LRMDA: variants seen among roughly 807,000 people sequenced by gnomAD.
The protein encoded by LRMDA is leucine rich melanocyte differentiation associated.
In LRMDA, 18 loss-of-function variants were observed where a neutral mutation model predicts 29.8. The observed-to-expected ratio is 0.60, with a 90% CI of 0.42 to 0.90. LRMDA has a LOEUF of 0.90. Among genes scored for constraint, LRMDA ranks in the 40% least tolerant of loss-of-function variants. The probability of loss-of-function intolerance (pLI) is 0.00; values close to 1 mark genes in which losing one functional copy is unlikely to be tolerated. For synonymous variants in LRMDA, 125 were observed against 109.4 expected (o/e 1.14, Z -0.89); for missense variants, 273 against 273.9 (o/e 1.00, Z 0.02).
chr10:76,002,490 T>G (rs1251526428), intron 2 of LRMDA, among the ~76,000 whole-genome samples: 1 of 149,492 alleles, frequency 6.7e-6, no homozygotes, highest in Non-Finnish European at 1.5e-5. Context: ...CCTCCGAACT[T>G]CAGTTCCTAC....
chr10:76,423,721 T>C (rs1276422472), intron 6 of LRMDA, among the ~76,000 whole-genome samples: 1 of 152,244 alleles, frequency 6.6e-6, no homozygotes, highest in Non-Finnish European at 1.5e-5. Context: ...TTGACTTCGA[T>C]CAAAATCTGA....
intron 2 of LRMDA, among the ~76,000 whole-genome samples, chr10:75,516,763 G>A (rs1449697087): frequency 6.6e-6 from 1 of 152,028 alleles, no homozygotes; most frequent in Non-Finnish European, 1.5e-5. Flanking sequence ...TTTTAGTCAC[G>A]AAGTCCTTGC....
chr10:75,994,753 C>T (rs2057438), intron 2 of LRMDA, among the ~76,000 whole-genome samples: 31,681 of 152,126 alleles, frequency 0.21, 3,848 homozygotes, highest in South Asian at 0.41. Flanking sequence ...ATTATCCTGA[C>T]GCATGTCAAG....
chr10:75,853,022 T>C (rs1017323623), intron 2 of LRMDA, among the ~76,000 whole-genome samples: 3 of 152,090 alleles, frequency 2.0e-5, no homozygotes, highest in African/African-American at 7.2e-5. Context: ...AAGCCCCTTA[T>C]AAAACCATCA....
chr10:76,173,505 A>G (rs1005878288), intron 5 of LRMDA, among the ~76,000 whole-genome samples: 2 of 152,224 alleles, frequency 1.3e-5, no homozygotes, highest in African/African-American at 4.8e-5. Flanking sequence ...ATCAAGAATA[A>G]AAGAGTAAAT....
chr10:75,486,652 G>A (rs965257461), intron 2 of LRMDA, among the ~76,000 whole-genome samples: 1 of 152,134 alleles, frequency 6.6e-6, no homozygotes, highest in East Asian at 1.9e-4. Context: ...GTCTGGGGGG[G>A]GCAACATGAG....
intron 4 of LRMDA, among the ~76,000 whole-genome samples, chr10:76,055,076 A>AAAAAAAAAAAAAAAAAAAAAAAAAAAAAG (rs1848589123): frequency 6.9e-6 from 1 of 144,462 alleles, no homozygotes; most frequent in Admixed American, 7.3e-5. Context: ...AAAAAAAAAA[A>AAAAAAAAAAAAAAAAAAAAAAAAAAAAAG]AAAAAAAAAA....
At chr10:75,664,368 C>T (rs1841794319) in intron 2 of LRMDA, among the ~76,000 whole-genome samples, 1 of 152,220 alleles carries the variant, frequency 6.6e-6, no homozygotes, top group South Asian at 2.1e-4. Context: ...TTCAGTTCTG[C>T]AAGAATTTAT....
intron 2 of LRMDA, among the ~76,000 whole-genome samples, chr10:75,583,990 C>A (rs1840626529): frequency 6.6e-6 from 1 of 152,156 alleles, no homozygotes; most frequent in African/African-American, 2.4e-5. Flanking sequence ...CCAGCCCCCC[C>A]ATAGGGACTG....
intron 5 of LRMDA, among the ~76,000 whole-genome samples, chr10:76,247,653 A>T (rs1852400162): frequency 6.6e-6 from 1 of 152,132 alleles, no homozygotes; most frequent in Admixed American, 6.6e-5. Context: ...CAACCCAGCA[A>T]GGTGTCTGTA....
chr10:76,187,178 C>G (rs574654019), intron 5 of LRMDA, among the ~76,000 whole-genome samples: 114 of 152,176 alleles, frequency 7.5e-4, no homozygotes, highest in African/African-American at 2.7e-3. Context: ...GGACACTATC[C>G]ACATCACAGA....
At chr10:75,979,588 G>A (rs1040765881) in intron 2 of LRMDA, among the ~76,000 whole-genome samples, 2 of 152,132 alleles carry the variant, frequency 1.3e-5, no homozygotes, top group African/African-American at 2.4e-5. Flanking sequence ...ATCCCGTGGG[G>A]ACCAGCATCA....
At chr10:76,295,006 C>T (rs1840394335) in intron 5 of LRMDA, among the ~76,000 whole-genome samples, 1 of 152,078 alleles carries the variant, frequency 6.6e-6, no homozygotes, top group Non-Finnish European at 1.5e-5. Context: ...AGGAGAGGCA[C>T]TAGGCTGTTG....
In LRMDA at chr10:75,962,591, A is replaced by G. The variant is rs117191216; in HGVS notation, c.132-73417A>G. Among the ~76,000 whole-genome samples the G allele has an allele frequency of 4.9e-4, 75 of 152,346 alleles. No individual in the cohort carries two copies. In the East Asian group the frequency reaches 0.01, roughly 20 times the overall value. The stretch of plus-strand genomic sequence containing the variant: ...CACTGCCCCATGCACATGGCCTGCC[A>G]TGAGGGATGCAAGCCTAGTAAATGA... On this transcript the variant is annotated intron_variant, in intron 2 of 6. Transcript: ENST00000611255.
chr10:75,640,982 C>T (rs1841446598), intron 2 of LRMDA, among the ~76,000 whole-genome samples: 1 of 152,064 alleles, frequency 6.6e-6, no homozygotes, highest in South Asian at 2.1e-4. Context: ...GATTGCAGGG[C>T]CCTGGTGAAG....
chr10:75,768,632 G>A lies in LRMDA; in HGVS notation c.132-267376G>A, dbSNP rs116011817. Among the ~76,000 whole-genome samples the A allele has an allele frequency of 9.8e-3, 1,495 of 152,118 alleles. 21 individuals are homozygous for A. The highest frequency in any genetic ancestry group is 0.031 in the Middle Eastern group (9 of 294). ...GGTCTTGTTCCTTTTCTCCAAATGC[G>A]GTCTTTCAGTCCCAGCTTCTGTTAT... is the stretch of plus-strand genomic sequence containing the variant. On this transcript the variant is annotated intron_variant, in intron 2 of 6. Transcript: ENST00000611255.
At chr10:75,924,598 A>G (rs921994815) in intron 2 of LRMDA, among the ~76,000 whole-genome samples, 3 of 152,310 alleles carry the variant, frequency 2.0e-5, no homozygotes, top group African/African-American at 7.2e-5. Flanking sequence ...AGCCAGAGCT[A>G]TAAGGTGGCA....
At chr10:76,129,859 A>G (rs965595996) in intron 5 of LRMDA, among the ~76,000 whole-genome samples, 2 of 152,208 alleles carry the variant, frequency 1.3e-5, no homozygotes, top group African/African-American at 4.8e-5. Context: ...GGGGTCTTCA[A>G]CCAGACTACT....
At chr10:75,710,402 C>G (rs1434042586) in intron 2 of LRMDA, among the ~76,000 whole-genome samples, 1 of 152,188 alleles carries the variant, frequency 6.6e-6, no homozygotes, top group Non-Finnish European at 1.5e-5. Context: ...CATTTGTTAT[C>G]CAGTACTAGG....
Sources: gnomAD v4.1 joint callset for allele counts (sites outside exome capture counted in the v4.1 genomes callset) on GRCh38, gnomAD v4.1.1 for gene constraint, MANE v1.5 for transcripts, NCBI Gene and HGNC (gene_info 2026-07-23, HGNC 2026-07-21) for gene names.